Variants in KIF6 observed in about 807,000 individuals in gnomAD.
KIF6 encodes the protein kinesin-like protein KIF6.
KIF6 carries 106 observed loss-of-function variants against 112.7 expected under a neutral mutation model. The observed-to-expected ratio is 0.94, with a 90% CI of 0.80 to 1.11. KIF6 has a LOEUF of 1.11. Ranked by LOEUF, KIF6 falls within the 50% of genes least tolerant of loss-of-function variation. The pLI is 0.00. For missense variants in KIF6, 929 were observed against 964.0 expected, an observed-to-expected ratio of 0.96 and a Z score of 0.48; for synonymous variants, 339 against 339.9, an observed-to-expected ratio of 1.00 and a Z score of 0.03.
intron 10 of KIF6, among the ~76,000 whole-genome samples, chr6:39,577,743 A>T (rs913019597): frequency 7.9e-5 from 12 of 152,196 alleles, no homozygotes; most frequent in Non-Finnish European, 1.3e-4. Flanking sequence ...ACAGCTCAAG[A>T]GTGTTTGGTG....
intron 13 of KIF6, among the ~76,000 whole-genome samples, chr6:39,440,832 GGT>G (rs1771875775): frequency 6.6e-6 from 1 of 152,188 alleles, no homozygotes; most frequent in African/African-American, 2.4e-5. Context: ...TCTTGGGAGT[GGT>G]GCTGGATGTC....
chr6:39,337,237 T>TTCTTTCTTTCTTTCTTTCTTTCTTTC (rs548889510), intron 22 of KIF6, among the ~76,000 whole-genome samples: 2 of 41,760 alleles, frequency 4.8e-5, no homozygotes, highest in Non-Finnish European at 5.1e-5. Context: ...CTTTCTTTCT[T>TTCTTTCTTTCTTTCTTTCTTTCTTTC]TTTCTTTCTT....
chr6:39,431,878 G>C (rs986525829), intron 13 of KIF6, among the ~76,000 whole-genome samples: 1 of 152,030 alleles, frequency 6.6e-6, no homozygotes, highest in Admixed American at 6.6e-5. Flanking sequence ...CCCGGAGTGA[G>C]GGTCAGCGCA....
At chr6:39,663,463 C>G (rs940454379) in intron 3 of KIF6, among the ~76,000 whole-genome samples, 1 of 152,004 alleles carries the variant, frequency 6.6e-6, no homozygotes, top group African/African-American at 2.4e-5. Flanking sequence ...CACATGGGAC[C>G]ATGTGCTACT....
At chr6:39,635,117 G>T (rs1400679725) in intron 4 of KIF6, among the ~76,000 whole-genome samples, 159 bp from the exon 5 acceptor site, 1 of 151,902 alleles carries the variant, frequency 6.6e-6, no homozygotes, top group African/African-American at 2.4e-5. Flanking sequence ...CAAGTTGCCA[G>T]TTACCATATG....
At chr6:39,517,709 A>G (rs1562280818) in intron 13 of KIF6, among the ~76,000 whole-genome samples, 1 of 152,210 alleles carries the variant, frequency 6.6e-6, no homozygotes, top group Non-Finnish European at 1.5e-5. Context: ...TTATAAAATG[A>G]ATATGATAAT....
At chr6:39,596,453 C>T (rs4302661) in intron 6 of KIF6, among the ~76,000 whole-genome samples, 193 bp from the exon 7 acceptor site, 30,228 of 152,074 alleles carry the variant, frequency 0.2, 3,202 homozygotes, top group Admixed American at 0.29. Flanking sequence ...TTACTGATGA[C>T]AAATGTGGAT....
At chr6:39,577,905 G>T in intron 10 of KIF6, 151 bp downstream of exon 10, 1 of 560,108 alleles carries the variant, frequency 1.8e-6, no homozygotes, top group Non-Finnish European at 3.2e-6. Context: ...TTCATGGAAA[G>T]CCGCCACTCT....
At chr6:39,539,176 C>T (rs1778637329) in intron 13 of KIF6, among the ~76,000 whole-genome samples, 2 of 151,028 alleles carry the variant, frequency 1.3e-5, no homozygotes, top group African/African-American at 4.9e-5. Context: ...ATGTAACTAA[C>T]CTGCATATTG....
chr6:39,465,523 ACT>A (rs1209752256), intron 13 of KIF6, among the ~76,000 whole-genome samples: 1 of 151,680 alleles, frequency 6.6e-6, no homozygotes. Flanking sequence ...CTTTGTTCAA[ACT>A]CTCATCATCT....
chr6:39,544,168 T>C (rs1183311146), intron 12 of KIF6, among the ~76,000 whole-genome samples: 8 of 152,198 alleles, frequency 5.3e-5, no homozygotes, highest in Non-Finnish European at 1.0e-4. Context: ...GGTCAGCCTG[T>C]TGTCTGGTCA....
chr6:39,481,552 T>C (rs907948894), intron 13 of KIF6, among the ~76,000 whole-genome samples: 11 of 152,194 alleles, frequency 7.2e-5, no homozygotes, highest in Non-Finnish European at 1.5e-4. Flanking sequence ...CTCTTATAAA[T>C]CCTTGCCAGA....
chr6:39,526,388 T>TAAA (rs1562287996), intron 13 of KIF6, among the ~76,000 whole-genome samples: 1 of 152,130 alleles, frequency 6.6e-6, no homozygotes, highest in Non-Finnish European at 1.5e-5. Flanking sequence ...AACTATCCAG[T>TAAA]CCCTTTTCTT....
chr6:39,676,312 T>A (rs1237627972), intron 3 of KIF6, among the ~76,000 whole-genome samples: 1 of 38,562 alleles, frequency 2.6e-5, no homozygotes, highest in African/African-American at 5.4e-5. Flanking sequence ...TAAAGAGTGA[T>A]GGAATCGTTA....
At chr6:39,380,884 G>T (rs1766875682) in intron 16 of KIF6, among the ~76,000 whole-genome samples, 3 of 152,184 alleles carry the variant, frequency 2.0e-5, no homozygotes, top group Admixed American at 2.0e-4. Flanking sequence ...TTGAGTATTT[G>T]TTACCTTTGT....
At chr6:39,712,734 T>C (rs1469666412) in intron 3 of KIF6, among the ~76,000 whole-genome samples, 2 of 151,914 alleles carry the variant, frequency 1.3e-5, no homozygotes, top group African/African-American at 2.4e-5. Flanking sequence ...TTCTCACTCA[T>C]AGGTGGGAAT....
intron 13 of KIF6, among the ~76,000 whole-genome samples, chr6:39,463,371 A>T (rs1196502175): frequency 6.6e-6 from 1 of 152,210 alleles, no homozygotes; most frequent in African/African-American, 2.4e-5. Flanking sequence ...CTCTGAAAAT[A>T]TTCTTAAAAA....
chr6:39,522,662 C>T (rs2150527794), intron 13 of KIF6, among the ~76,000 whole-genome samples: 1 of 152,330 alleles, frequency 6.6e-6, no homozygotes, highest in South Asian at 2.1e-4. Context: ...TCTCATCTTA[C>T]TTGACCACTC....
chr6:39,543,261 C>T (rs1214357979), intron 12 of KIF6, among the ~76,000 whole-genome samples: 1 of 152,062 alleles, frequency 6.6e-6, no homozygotes, highest in Non-Finnish European at 1.5e-5. Flanking sequence ...GGGCTGGGGC[C>T]AGGACTGAGG....
Sources: allele counts gnomAD v4.1 joint callset (sites outside exome capture counted in the v4.1 genomes callset), GRCh38; gene constraint gnomAD v4.1.1; transcripts MANE v1.5; gene names NCBI Gene and HGNC (gene_info 2026-07-23, HGNC 2026-07-21).